PLOD2: variants seen among roughly 807,000 people sequenced by gnomAD.
PLOD2 encodes the protein lysine hydroxylase 2.
PLOD2 carries 65 observed loss-of-function variants against 101.0 expected under a neutral mutation model. That is an observed-to-expected ratio of 0.64 (90% CI 0.53 to 0.79). PLOD2 has a LOEUF of 0.79. Among genes scored for constraint, PLOD2 ranks in the 30% least tolerant of loss-of-function variants. The pLI, the probability that PLOD2 is intolerant of heterozygous loss-of-function variation, is 0.00. For missense variants in PLOD2, 909 were observed against 914.6 expected, an observed-to-expected ratio of 0.99 and a Z score of 0.08; for synonymous variants, 314 against 302.9, an observed-to-expected ratio of 1.04 and a Z score of -0.38.
At chr3:146,097,241 G>A (rs1937225783) in intron 7 of PLOD2, among the ~76,000 whole-genome samples, 1 of 151,016 alleles carries the variant, frequency 6.6e-6, no homozygotes, top group African/African-American at 2.4e-5. Context: ...CTGCCGGGCC[G>A]CCCCTACTGG....
At position 146,091,791 on chromosome 3, in the gene PLOD2, T is replaced by C. The variant is rs1576585636; in HGVS notation, c.879+9A>G. The stretch of plus-strand genomic sequence containing the variant: ...TTACTACATTTCACACATAATCAAT[T>C]CCACTTACATCTACTGCAGACAAGT... On this transcript the variant is annotated intron_variant, in intron 8 of 19. Transcript: ENST00000282903. The C allele has an allele frequency of 2.8e-6, 4 of 1,435,042 alleles. No individual in the cohort carries two copies. The highest frequency in any genetic ancestry group is 3.9e-6 in the Non-Finnish European group (4 of 1,016,870). 88.9% of individuals were successfully genotyped at this position (1,435,042 alleles called of 1,614,324 possible). A position where few individuals can be genotyped will look rare whatever the true frequency, so the allele number is the denominator to read the frequency against.
At chr3:146,140,567 C>G (rs943133027) in intron 1 of PLOD2, among the ~76,000 whole-genome samples, 2 of 152,030 alleles carry the variant, frequency 1.3e-5, no homozygotes, top group Non-Finnish European at 2.9e-5. Flanking sequence ...TTAAACTATA[C>G]TATGTGTGCT....
At chr3:146,113,313 G>GA (rs1321702729) in intron 3 of PLOD2, among the ~76,000 whole-genome samples, 1 of 152,066 alleles carries the variant, frequency 6.6e-6, no homozygotes, top group Non-Finnish European at 1.5e-5. Context: ...AAATACTTTA[G>GA]AAAAGTTATT....
At chr3:146,118,703 G>A (rs1220198519) in intron 3 of PLOD2, among the ~76,000 whole-genome samples, 1 of 151,996 alleles carries the variant, frequency 6.6e-6, no homozygotes, top group Non-Finnish European at 1.5e-5. Context: ...AAAAAAGAGT[G>A]GATATTTTAA....
At chr3:146,109,056 T>G (rs79173384) in intron 4 of PLOD2, among the ~76,000 whole-genome samples, 1 of 152,226 alleles carries the variant, frequency 6.6e-6, no homozygotes, top group East Asian at 1.9e-4. Flanking sequence ...GTAGCCATAT[T>G]AGGGAGAGGC....
At position 146,102,755 on chromosome 3, in the gene PLOD2, C is replaced by G. The variant is rs746924718; in HGVS notation, c.777G>C (p.Lys259Asn). 6.8e-7 allele frequency: 1 copy of G among 1,479,644 alleles called. No homozygotes were observed. The highest frequency in any genetic ancestry group is 1.7e-5 in the Admixed American group (1 of 59,848). 91.7% of individuals were successfully genotyped at this position (1,479,644 alleles called of 1,614,324 possible). A position where few individuals can be genotyped will look rare whatever the true frequency, so the allele number is the denominator to read the frequency against. Reference sequence around the variant, plus strand: ...CCAAATAAAAGTAACTGTTACTTACCTTGGTGGGTCCATTTCCATTAATTG... The same window carrying G: ...CCAAATAAAAGTAACTGTTACTTACGTTGGTGGGTCCATTTCCATTAATTG... ...PVAINGNGPT[K>N]ILLNYFGNYV... Residue 259 changes from lysine to asparagine, a missense_variant and splice_region_variant, in exon 7 of 20, where the codon AAG becomes AAC. Lys to Asn is a moderately conservative substitution (Grantham distance 94). Transcript: ENST00000282903.
intron 7 of PLOD2, among the ~76,000 whole-genome samples, chr3:146,098,468 C>T (rs770890527): frequency 2.6e-5 from 4 of 151,494 alleles, no homozygotes; most frequent in South Asian, 2.1e-4. Flanking sequence ...TTAAGAAACA[C>T]AAAATTGTTT....
In PLOD2 at chr3:146,109,389, A is replaced by G. The variant is rs1427438464; in HGVS notation, c.502+896T>C. 3.2e-4 allele frequency among the ~76,000 whole-genome samples: 49 copies of G among 152,346 alleles called. 1 individual carries two copies. Among genetic ancestry groups the G allele is most frequent in the Non-Finnish European group, 5.9e-5 (4 of 68,026 alleles). ...TGTTGATAAAATAAAGTGCAGGTGCAAAGAGCTGAAATTGAGGCATTACCA... is the reference window on the plus strand; with the variant it reads ...TGTTGATAAAATAAAGTGCAGGTGCGAAGAGCTGAAATTGAGGCATTACCA... On this transcript the variant is annotated intron_variant, in intron 4 of 19. Transcript: ENST00000282903.
At chr3:146,132,269 G>A (rs2108111010) in intron 1 of PLOD2, among the ~76,000 whole-genome samples, 1 of 152,238 alleles carries the variant, frequency 6.6e-6, no homozygotes, top group Middle Eastern at 3.4e-3. Context: ...AGGCAAACTG[G>A]AATGAGTTGG....
At chr3:146,140,337 G>C (rs577467780) in intron 1 of PLOD2, among the ~76,000 whole-genome samples, 2 of 152,066 alleles carry the variant, frequency 1.3e-5, no homozygotes, top group African/African-American at 4.8e-5. Context: ...TTTCTGAAAG[G>C]ATTCATGACA....
chr3:146,148,605 T>C (rs2031911668), intron 1 of PLOD2, among the ~76,000 whole-genome samples: 1 of 152,104 alleles, frequency 6.6e-6, no homozygotes. Context: ...AAAAACATCA[T>C]CCTCAAATTC....
chr3:146,142,789 T>C (rs1346557783), intron 1 of PLOD2, among the ~76,000 whole-genome samples: 1 of 152,088 alleles, frequency 6.6e-6, no homozygotes, highest in Non-Finnish European at 1.5e-5. Context: ...ATATACTGCC[T>C]AAGATTATAA....
intron 12 of PLOD2, 47 bp from the exon 13 acceptor site, chr3:146,079,304 T>C (rs1441299792): frequency 6.9e-7 from 1 of 1,453,690 alleles, no homozygotes; most frequent in African/African-American, 1.4e-5. Context: ...ATACAAACAA[T>C]TTTAAGTTTC....
At chr3:146,109,672 T>C (rs6440417) in intron 4 of PLOD2, among the ~76,000 whole-genome samples, 76,595 of 152,052 alleles carry the variant, frequency 0.5, 19,380 homozygotes, top group East Asian at 0.56. Flanking sequence ...TTGTAGCCAT[T>C]ATAATTTCCA....
rs1488981681 is a variant in PLOD2, at chr3:146,099,386, A to C, written c.777+3369T>G. On this transcript the variant is annotated intron_variant, in intron 7 of 19. Coordinates refer to ENST00000282903, the MANE Select transcript of PLOD2 (RefSeq NM_182943.3). ...ATAATCACTAAATTCTCAGGACCAA[A>C]ATCACTCCTCAAAGACATTTAAATT... 2.0e-5 allele frequency among the ~76,000 whole-genome samples: 3 copies of C among 152,076 alleles called. No homozygotes were observed. The South Asian group carries it at 6.2e-4, about 32-fold the overall frequency.
rs767055872 is a variant in PLOD2 at position 146,079,169 on chromosome 3, C to T, written c.1447G>A (p.Val483Ile). ...ATATCAGGATCCAGTTTATCACGAACAAAATAGTTCCTTTCATTCATCTCT... is the reference window on the plus strand; with the variant it reads ...ATATCAGGATCCAGTTTATCACGAATAAAATAGTTCCTTTCATTCATCTCT... Reference protein sequence around the residue: ...RSEMNERNYFVRDKLDPDMAL... With the variant: ...RSEMNERNYFIRDKLDPDMAL... The change falls in exon 13 of 20, where the codon GTT becomes ATT. Residue 483 changes from valine (V) to isoleucine (I), a missense_variant. Val to Ile is a conservative substitution (Grantham distance 29). Transcript: ENST00000282903. The T allele has an allele frequency of 7.4e-6, 12 of 1,612,544 alleles. No homozygotes were observed. In the East Asian group the frequency reaches 1.8e-4, roughly 24 times the overall value.
intron 3 of PLOD2, among the ~76,000 whole-genome samples, chr3:146,118,354 C>G (rs1425394172): frequency 6.6e-6 from 1 of 152,064 alleles, no homozygotes; most frequent in Non-Finnish European, 1.5e-5. Flanking sequence ...TTTACAGATG[C>G]AAGTGTTATG....
chr3:146,071,948 C>G (rs752349216), intron 17 of PLOD2, among the ~76,000 whole-genome samples: 2 of 151,748 alleles, frequency 1.3e-5, no homozygotes, highest in Non-Finnish European at 2.9e-5. Context: ...GCTTCCCTCT[C>G]CCTTATCAGC....
chr3:146,093,631 C>T (rs888566447), intron 7 of PLOD2, among the ~76,000 whole-genome samples: 4 of 151,938 alleles, frequency 2.6e-5, no homozygotes, highest in Non-Finnish European at 5.9e-5. Context: ...TTTAAAATAT[C>T]CTGAGAAAAA....
Sources: allele counts gnomAD v4.1 joint callset (sites outside exome capture counted in the v4.1 genomes callset), GRCh38; gene constraint gnomAD v4.1.1; transcripts MANE v1.5; gene names NCBI Gene and HGNC (gene_info 2026-07-23, HGNC 2026-07-21).